GLT1D1: variants seen among roughly 807,000 people sequenced by gnomAD.
GLT1D1 encodes the protein glycosyltransferase 1 domain-containing protein 1.
Under a neutral mutation model 28.7 loss-of-function variants are expected in GLT1D1, and 21 were observed. The ratio of observed to expected loss-of-function variants is 0.73; its 90% CI spans 0.52 to 1.05. GLT1D1 has a LOEUF of 1.05. GLT1D1 is among the 50% of genes least tolerant of loss of function. The probability of loss-of-function intolerance (pLI) is 0.00; values close to 1 mark genes in which losing one functional copy is unlikely to be tolerated. For missense variants in GLT1D1, 343 were observed against 330.6 expected, an observed-to-expected ratio of 1.04 and a Z score of -0.29; for synonymous variants, 147 against 124.8, an observed-to-expected ratio of 1.18 and a Z score of -1.19.
At chr12:128,874,194 C>CTTTTTTTCTCTT (rs1956816930) in intron 1 of GLT1D1, among the ~76,000 whole-genome samples, 6 of 139,430 alleles carry the variant, frequency 4.3e-5, no homozygotes, top group African/African-American at 1.7e-4. Flanking sequence ...CTTTCTTTCT[C>CTTTTTTTCTCTT]TCTTTCTCTC....
chr12:128,900,792 C>A (rs1368846922), intron 4 of GLT1D1, among the ~76,000 whole-genome samples: 1 of 152,120 alleles, frequency 6.6e-6, no homozygotes, highest in Admixed American at 6.6e-5. Context: ...TGTGCCACCA[C>A]ACCCGGCTAA....
intron 4 of GLT1D1, among the ~76,000 whole-genome samples, chr12:128,913,797 T>G (rs1432718096): frequency 6.6e-6 from 1 of 152,226 alleles, no homozygotes; most frequent in African/African-American, 2.4e-5. Flanking sequence ...CGCGTAGGTT[T>G]GAACACAGCG....
chr12:128,982,262 T>A (rs1314699982), intron 7 of GLT1D1, among the ~76,000 whole-genome samples: 1 of 152,098 alleles, frequency 6.6e-6, no homozygotes, highest in Non-Finnish European at 1.5e-5. Flanking sequence ...GGTTTACCGA[T>A]TAAGTATGCA....
intron 1 of GLT1D1, among the ~76,000 whole-genome samples, chr12:128,871,801 C>G (rs956577556): frequency 2.0e-4 from 31 of 152,144 alleles, no homozygotes; most frequent in African/African-American, 7.0e-4. Context: ...AGTTAATTCA[C>G]CTGGTGTTCA....
At chr12:128,854,880 G>A (rs1256732885) in intron 1 of GLT1D1, among the ~76,000 whole-genome samples, 3 of 152,154 alleles carry the variant, frequency 2.0e-5, no homozygotes, top group Non-Finnish European at 4.4e-5. Context: ...ATCATAAGCA[G>A]AAATGACCAA....
intron 3 of GLT1D1, among the ~76,000 whole-genome samples, chr12:128,891,054 A>G (rs1245242683): frequency 1.3e-5 from 2 of 151,710 alleles, no homozygotes; most frequent in African/African-American, 2.4e-5. Context: ...GGTTGCAGTA[A>G]GCAAGATGTT....
intron 4 of GLT1D1, among the ~76,000 whole-genome samples, chr12:128,932,941 G>T (rs115550155): frequency 6.6e-6 from 1 of 152,144 alleles, no homozygotes; most frequent in Non-Finnish European, 1.5e-5. Context: ...CTAAGGTCTC[G>T]CGGAGTCTAA....
At position 128,956,171 on chromosome 12, in the gene GLT1D1, A is replaced by AAAAAG. The variant is rs374597920; in HGVS notation, c.541-1373_541-1372insAAAGA. On this transcript the variant is annotated intron_variant, in intron 6 of 7. Transcript: ENST00000281703. ...GAGACTCCATCTCAAAAAAAAAAAA[A>AAAAAG]AGAGAAAGAGAGAAAGAAAGAAAGA... Among the ~76,000 whole-genome samples, 7 of 63,988 alleles carry AAAAAG rather than the reference A, an allele frequency of 1.1e-4. 2 individuals carry two copies. In the South Asian group the frequency reaches 2.2e-3, roughly 20 times the overall value. 42.0% of individuals were successfully genotyped at this position (63,988 alleles called of 152,430 possible).
intron 4 of GLT1D1, 69 bp downstream of exon 7, chr12:128,926,523 C>A: frequency 1.3e-6 from 1 of 773,262 alleles, no homozygotes; most frequent in Non-Finnish European, 2.2e-6. Context: ...CAGCATTTCT[C>A]TCTTCAGGGC....
At chr12:128,971,081 G>T (rs756320408) in intron 7 of GLT1D1, among the ~76,000 whole-genome samples, 5 of 152,114 alleles carry the variant, frequency 3.3e-5, no homozygotes, top group Admixed American at 1.3e-4. Context: ...TTTCAAAGTC[G>T]CAGATGACAG....
chr12:128,984,436 A>C lies in GLT1D1; in HGVS notation c.*1346A>C, dbSNP rs1335560782. On this transcript the variant is annotated 3_prime_UTR_variant, in exon 8 of 8. Transcript: ENST00000281703. ...CTGGGGATGAGAACAACTAGCTTGG[A>C]TCTCGTGCCGTGTAATTCAATGTTT... The C allele has an allele frequency of 6.6e-6, 1 of 152,046 alleles. No homozygotes were observed. The highest frequency in any genetic ancestry group is 1.9e-4 in the East Asian group (1 of 5,174). 9.4% of individuals were successfully genotyped at this position (152,046 alleles called of 1,614,324 possible).
At chr12:128,979,087 T>C (rs1033026799) in intron 7 of GLT1D1, among the ~76,000 whole-genome samples, 4 of 152,238 alleles carry the variant, frequency 2.6e-5, no homozygotes, top group Non-Finnish European at 5.9e-5. Context: ...CCAGCAGGTC[T>C]CAGCCTCAGT....
intron 1 of GLT1D1, among the ~76,000 whole-genome samples, chr12:128,868,885 T>A (rs1443790636): frequency 6.6e-6 from 1 of 152,244 alleles, no homozygotes; most frequent in Non-Finnish European, 1.5e-5. Flanking sequence ...CTTTCTTTTT[T>A]TTGAGATGGA....
At chr12:128,888,899 T>TC (rs1478201359) in intron 3 of GLT1D1, among the ~76,000 whole-genome samples, 155 bp downstream of exon 3, 7 of 152,260 alleles carry the variant, frequency 4.6e-5, no homozygotes, top group African/African-American at 1.7e-4. Flanking sequence ...TTGGTACATT[T>TC]TTATTTGGCC....
At chr12:128,861,512 C>T (rs1956371859) in intron 1 of GLT1D1, among the ~76,000 whole-genome samples, 1 of 152,156 alleles carries the variant, frequency 6.6e-6, no homozygotes, top group Non-Finnish European at 1.5e-5. Context: ...TCCTCCTCGG[C>T]CCAGAGCAGG....
At chr12:128,866,489 C>A (rs1956523133) in intron 1 of GLT1D1, among the ~76,000 whole-genome samples, 1 of 151,388 alleles carries the variant, frequency 6.6e-6, no homozygotes, top group East Asian at 1.9e-4. Flanking sequence ...TCCTCCTGCC[C>A]CCCACCAAGC....
rs1292824146 is a variant in GLT1D1 at position 128,969,095 on chromosome 12, CTCTG to C, written c.639+11458_639+11461del. Among the ~76,000 whole-genome samples the C allele has an allele frequency of 3.3e-5, 5 of 152,040 alleles. No homozygotes were observed. The East Asian group carries it at 5.8e-4, about 18-fold the overall frequency. ...CAGTCTCTGTAGCCCTCGTCCTCCT[CTCTG>C]TCTGTGTCTCTCTCTGTCTCTGTTT... On this transcript the variant is annotated intron_variant, in intron 7 of 7. Coordinates refer to ENST00000281703, the MANE Select transcript of GLT1D1 (RefSeq NM_144669.3).
intron 7 of GLT1D1, among the ~76,000 whole-genome samples, chr12:128,963,043 G>A (rs1424185962): frequency 4.6e-5 from 7 of 152,168 alleles, no homozygotes; most frequent in Non-Finnish European, 1.0e-4. Context: ...TTACACATTC[G>A]TGGGGAGATT....
intron 3 of GLT1D1, among the ~76,000 whole-genome samples, chr12:128,889,220 G>A (rs1031346397): frequency 3.9e-5 from 6 of 152,150 alleles, no homozygotes; most frequent in Non-Finnish European, 7.3e-5. Context: ...GATCTAGTTT[G>A]CATCAGGTTT....
Sources: gnomAD v4.1 joint callset for allele counts (sites outside exome capture counted in the v4.1 genomes callset) on GRCh38, gnomAD v4.1.1 for gene constraint, MANE v1.5 for transcripts, NCBI Gene and HGNC (gene_info 2026-07-23, HGNC 2026-07-21) for gene names.